The following PARD3B variants were observed in gnomAD, a reference collection of about 807,000 sequenced individuals.
PARD3B encodes par-3 family cell polarity regulator beta, also known as partitioning defective 3 homolog B.
PARD3B carries 103 observed loss-of-function variants against 130.2 expected under a neutral mutation model. The ratio of observed to expected loss-of-function variants is 0.79; its 90% CI spans 0.67 to 0.93. PARD3B has a LOEUF of 0.93. Among genes scored for constraint, PARD3B ranks in the 40% least tolerant of loss-of-function variants. PARD3B has a pLI of 0.00. For missense variants in PARD3B, 1,609 were observed against 1,499.2 expected (o/e 1.07, Z -1.21); for synonymous variants, 583 against 553.2 (o/e 1.05, Z -0.76).
intron 4 of PARD3B, among the ~76,000 whole-genome samples, chr2:205,071,061 TGGAA>T (rs1700699262): frequency 6.6e-6 from 1 of 152,160 alleles, no homozygotes. Context: ...ATTTGTTTCT[TGGAA>T]GTGTCAAATG....
Position 204,837,503 on chromosome 2 carries a change from C to T in PARD3B, c.223-127649C>T, listed in dbSNP as rs1354136733. Among the ~76,000 whole-genome samples, 6 of 151,330 alleles carry T rather than the reference C, an allele frequency of 4.0e-5. 1 individual carries two copies. The South Asian group carries it at 1.3e-3, about 32-fold the overall frequency. On this transcript the variant is annotated intron_variant, in intron 2 of 22. Transcript: ENST00000406610. ...TGGTGCAATCTTGGCTCACTGCAACCTCCTCCTCCCGGGTTCAAGCAATTC... is the reference window on the plus strand; with the variant it reads ...TGGTGCAATCTTGGCTCACTGCAACTTCCTCCTCCCGGGTTCAAGCAATTC...
intron 2 of PARD3B, among the ~76,000 whole-genome samples, chr2:204,932,540 T>A (rs1396695045): frequency 6.6e-6 from 1 of 152,152 alleles, no homozygotes; most frequent in Non-Finnish European, 1.5e-5. Flanking sequence ...TATTCAGTGT[T>A]TATTGAAGTA....
intron 18 of PARD3B, among the ~76,000 whole-genome samples, chr2:205,320,147 CAG>C (rs2042698920): frequency 8.2e-6 from 1 of 121,536 alleles, no homozygotes; most frequent in Non-Finnish European, 1.6e-5. Flanking sequence ...GCCTGGGCGA[CAG>C]AGTGAGACTC....
intron 19 of PARD3B, among the ~76,000 whole-genome samples, chr2:205,403,375 G>C (rs762984160): frequency 3.9e-5 from 6 of 152,140 alleles, no homozygotes; most frequent in Non-Finnish European, 7.4e-5. Context: ...TGGCTGATAA[G>C]CCATTGGCAG....
intron 2 of PARD3B, among the ~76,000 whole-genome samples, chr2:204,809,178 C>T (rs1388502473): frequency 6.6e-6 from 1 of 151,710 alleles, no homozygotes; most frequent in Non-Finnish European, 1.5e-5. Context: ...GGATATTAGA[C>T]CTTTGTCATG....
chr2:205,037,467 CATAAAATATAGTGGACTATATAT>C (rs1210149873), intron 3 of PARD3B, among the ~76,000 whole-genome samples: 12 of 145,368 alleles, frequency 8.3e-5, no homozygotes, highest in African/African-American at 3.0e-4. Context: ...GGACTATATG[CATAAAATATAGTGGACTATATAT>C]ATAAAATATA....
chr2:204,778,856 C>T (rs1011328819), intron 2 of PARD3B, among the ~76,000 whole-genome samples: 1 of 152,074 alleles, frequency 6.6e-6, no homozygotes, highest in Non-Finnish European at 1.5e-5. Flanking sequence ...CCTATGCGTA[C>T]GTCCGATCAT....
At chr2:204,989,982 A>G (rs1693511148) in intron 3 of PARD3B, among the ~76,000 whole-genome samples, 1 of 152,114 alleles carries the variant, frequency 6.6e-6, no homozygotes, top group African/African-American at 2.4e-5. Context: ...TACTTTTGAA[A>G]TATATTAGAT....
rs530608860 is a variant in PARD3B, at chr2:205,344,191, G to GGTTTGT, written c.2630+42493_2630+42498dup. 5.1e-3 allele frequency among the ~76,000 whole-genome samples: 686 copies of GGTTTGT among 133,474 alleles called. 3 individuals are homozygous for GGTTTGT. The highest frequency in any genetic ancestry group is 0.03 in the South Asian group (119 of 4,002). 87.6% of individuals were successfully genotyped at this position (133,474 alleles called of 152,430 possible). A position where few individuals can be genotyped will look rare whatever the true frequency, so the allele number is the denominator to read the frequency against. On this transcript the variant is annotated intron_variant, in intron 18 of 22. Transcript: ENST00000406610. The stretch of plus-strand genomic sequence containing the variant: ...TTTGAAGGTGGGAAATGTGTCAGTT[G>GGTTTGT]GTTTGTGTGTGTGTGTGTGTGTGTG...
chr2:205,404,445 C>T (rs997252983), intron 19 of PARD3B, among the ~76,000 whole-genome samples: 1 of 152,080 alleles, frequency 6.6e-6, no homozygotes, highest in Non-Finnish European at 1.5e-5. Flanking sequence ...AGAACTAATC[C>T]CCCATGGATA....
At chr2:205,290,499 T>G (rs894629836) in intron 16 of PARD3B, among the ~76,000 whole-genome samples, 2 of 152,278 alleles carry the variant, frequency 1.3e-5, no homozygotes, top group Admixed American at 6.5e-5. Flanking sequence ...GAAAGAAGGT[T>G]GAGTGTTTGT....
chr2:205,302,081 T>TTTC, intron 18 of PARD3B, among the ~76,000 whole-genome samples: 1 of 138,340 alleles, frequency 7.2e-6, no homozygotes, highest in Middle Eastern at 3.3e-3. Context: ...TTTTTTTTTT[T>TTTC]TTTTTTTGAG....
chr2:205,497,219 AG>A lies in PARD3B; in HGVS notation c.3045-2676del, dbSNP rs1471664269. ...ATACATATTGAAAAAAAAAAAAAAA[AG>A]AAAGAAAGGTACGTGATTCCCAAGG... On this transcript the variant is annotated intron_variant, in intron 20 of 22. Coordinates refer to ENST00000406610, the MANE Select transcript of PARD3B (RefSeq NM_001302769.2). Among the ~76,000 whole-genome samples the A allele has an allele frequency of 1.4e-3, 204 of 144,364 alleles. 2 individuals are homozygous for A. Among genetic ancestry groups the A allele is most frequent in the African/African-American group, 3.6e-3 (143 of 39,556 alleles). The allele number at this position is 144,364 out of a possible 152,430, so 94.7% of individuals were successfully genotyped here. A position where few individuals can be genotyped will look rare whatever the true frequency, so the allele number is the denominator to read the frequency against.
In PARD3B at chr2:204,900,022, A is replaced by G. The variant is rs2046800941; in HGVS notation, c.223-65130A>G. Among the ~76,000 whole-genome samples the G allele has an allele frequency of 2.6e-5, 4 of 151,112 alleles. No homozygotes were observed. In the South Asian group the frequency reaches 8.4e-4, roughly 32 times the overall value. On this transcript the variant is annotated intron_variant, in intron 2 of 22. Transcript: ENST00000406610. ...TTTGTGTATTATTTCCTTTCACTTG[A>G]TGCTTTTGGGATCCCCTCTTTATCC...
At position 205,203,798 on chromosome 2, in the gene PARD3B, C is replaced by A. The variant is rs189884558; in HGVS notation, c.2140+10478C>A. ...TTCATGAACTCATACTTTTTTATGG[C>A]TGCATAGTATTCCATGGTGCATGTG... On this transcript the variant is annotated intron_variant, in intron 15 of 22. Transcript: ENST00000406610. 4.6e-5 allele frequency among the ~76,000 whole-genome samples: 7 copies of A among 152,294 alleles called. No individual in the cohort carries two copies. In the East Asian group the frequency reaches 1.4e-3, roughly 29 times the overall value.
intron 1 of PARD3B, among the ~76,000 whole-genome samples, chr2:204,619,020 A>G (rs62177765): frequency 0.045 from 6,798 of 152,122 alleles, 254 homozygotes; most frequent in African/African-American, 0.095. Context: ...TTTGCTCAGT[A>G]TATTGTTACT....
At position 204,546,193 on chromosome 2, in the gene PARD3B, CAG is replaced by C. The variant is rs1236123756; in HGVS notation, c.120+75_120+76del. The C allele has an allele frequency of 4.6e-6, 7 of 1,537,128 alleles. No individual in the cohort carries two copies. In the African/African-American group the frequency reaches 8.3e-5, roughly 18 times the overall value. On this transcript the variant is annotated intron_variant, in intron 1 of 22. Transcript: ENST00000406610. ...CCAGGTGCGACCCGGTGGCGACACT[CAG>C]GGGATGCAGAAAACCCAGGGGATTA...
At position 204,742,803 on chromosome 2, in the gene PARD3B, A is replaced by G. The variant is rs2040062852; in HGVS notation, c.222+56521A>G. On this transcript the variant is annotated intron_variant, in intron 2 of 22. Transcript: ENST00000406610. ...CTGTAACATAGGATAGTGTTTTAATAGGTAGAATAGGATTGTTTTGCTATG... is the reference window on the plus strand; with the variant it reads ...CTGTAACATAGGATAGTGTTTTAATGGGTAGAATAGGATTGTTTTGCTATG... 3.3e-5 allele frequency among the ~76,000 whole-genome samples: 5 copies of G among 152,328 alleles called. No homozygotes were observed. The South Asian group carries it at 1.0e-3, about 32-fold the overall frequency.
rs2046713511 is a variant in PARD3B at position 204,898,180 on chromosome 2, T to A, written c.223-66972T>A. Among the ~76,000 whole-genome samples, 4 of 152,160 alleles carry A rather than the reference T, an allele frequency of 2.6e-5. No individual in the cohort carries two copies. In the South Asian group the frequency reaches 8.3e-4, roughly 32 times the overall value. ...ATAAAAACCATGGACCATTTCTTTT[T>A]TTTTATTTTTAATTTTTGTGGTTAC... On this transcript the variant is annotated intron_variant, in intron 2 of 22. Transcript: ENST00000406610.
Sources: allele counts gnomAD v4.1 joint callset (sites outside exome capture counted in the v4.1 genomes callset), GRCh38; gene constraint gnomAD v4.1.1; transcripts MANE v1.5; gene names NCBI Gene and HGNC (gene_info 2026-07-23, HGNC 2026-07-21).